Variants in TGS1 observed in about 807,000 individuals in gnomAD.
TGS1 encodes the protein trimethylguanosine synthase 1, also known as trimethylguanosine synthase.
In TGS1, 69 loss-of-function variants were observed where a neutral mutation model predicts 92.2. That is an observed-to-expected ratio of 0.75 (90% CI 0.62 to 0.91). The LOEUF is 0.91. Among genes scored for constraint, TGS1 ranks in the 40% least tolerant of loss-of-function variants. The pLI is 0.00. For synonymous variants in TGS1, 345 were observed against 338.1 expected, an observed-to-expected ratio of 1.02 and a Z score of -0.22; for missense variants, 1,062 against 1,001.2, an observed-to-expected ratio of 1.06 and a Z score of -0.82.
chr8:55,805,984 A>C (rs1812357450), intron 10 of TGS1, among the ~76,000 whole-genome samples: 1 of 150,446 alleles, frequency 6.6e-6, no homozygotes, highest in African/African-American at 2.4e-5. Context: ...ACCTGAGCCC[A>C]GAAATTGCAG....
chr8:55,809,205 A>G (rs763029323), intron 10 of TGS1, among the ~76,000 whole-genome samples: 3 of 152,292 alleles, frequency 2.0e-5, no homozygotes, highest in East Asian at 3.9e-4. Context: ...CCACTCAGAT[A>G]TTTGCTGTCT....
chr8:55,787,501 C>T (rs777717034), intron 4 of TGS1, among the ~76,000 whole-genome samples: 7 of 152,058 alleles, frequency 4.6e-5, no homozygotes, highest in Non-Finnish European at 1.0e-4. Context: ...CTCAATGGGG[C>T]ACAATATTAA....
Position 55,825,933 on chromosome 8 carries a change from G to A in TGS1, c.*1230G>A, listed in dbSNP as rs1220223597. Among the ~76,000 whole-genome samples the A allele has an allele frequency of 6.6e-6, 1 of 150,790 alleles. No individual in the cohort carries two copies. ...CGCCCAGGCTGGAGTGCAATGGCGT[G>A]ATCTCAGCTTACTGCAACCTCCACC... On this transcript the variant is annotated 3_prime_UTR_variant, in exon 13 of 13. Transcript: ENST00000260129.
At chr8:55,794,699 A>G (rs929302879) in intron 6 of TGS1, among the ~76,000 whole-genome samples, 1 of 152,264 alleles carries the variant, frequency 6.6e-6, no homozygotes, top group Non-Finnish European at 1.5e-5. Flanking sequence ...CATTAAATAT[A>G]AAGGAACATG....
chr8:55,787,149 TTAAA>T, intron 4 of TGS1, 89 bp downstream of exon 4: 1 of 844,778 alleles, frequency 1.2e-6, no homozygotes, highest in South Asian at 1.8e-5. Context: ...TATTGTAGAG[TTAAA>T]TAATACCAAG....
intron 6 of TGS1, among the ~76,000 whole-genome samples, chr8:55,794,621 G>T (rs1157909385): frequency 2.0e-5 from 3 of 152,290 alleles, no homozygotes; most frequent in South Asian, 2.1e-4. Flanking sequence ...AATTTCAAAA[G>T]TAAACAAAGC....
At chr8:55,816,000 T>G (rs1803466050) in intron 12 of TGS1, among the ~76,000 whole-genome samples, 1 of 151,882 alleles carries the variant, frequency 6.6e-6, no homozygotes, top group Admixed American at 6.6e-5. Flanking sequence ...CAGACTGGAG[T>G]GCAGTAGCAG....
chr8:55,789,175 T>A (rs979121077), intron 4 of TGS1, among the ~76,000 whole-genome samples: 2 of 152,096 alleles, frequency 1.3e-5, no homozygotes, highest in African/African-American at 4.8e-5. Context: ...TCTGAAAGAG[T>A]CAAAGCTTCC....
chr8:55,813,059 T>C lies in TGS1; in HGVS notation c.2380T>C (p.Ser794Pro), dbSNP rs764664116. The C allele has an allele frequency of 2.5e-6, 4 of 1,609,634 alleles. No individual in the cohort carries two copies. Among genetic ancestry groups the C allele is most frequent in the Non-Finnish European group, 3.4e-6 (4 of 1,176,964 alleles). The change falls in exon 12 of 13, where the codon TCT (serine) becomes CCT (proline). Residue 794 changes from serine (S) to proline (P), a missense_variant. Physicochemically the swap from Ser to Pro is moderately conservative, Grantham distance 74 (BLOSUM62 -1). Transcript: ENST00000260129. ...GTCCACCTTTGAAATTTTCAGACTT[T>C]CTAAGAAGATCACTAATAATATTGT... ...SPDGFEIFRL[S>P]KKITNNIVYF...
intron 1 of TGS1, among the ~76,000 whole-genome samples, chr8:55,774,538 A>C (rs1811326285): frequency 6.6e-6 from 1 of 152,222 alleles, no homozygotes; most frequent in African/African-American, 2.4e-5. Context: ...AAACTTGTTA[A>C]ATTTAATGTA....
chr8:55,824,780 A>G lies in TGS1; in HGVS notation c.*77A>G. On this transcript the variant is annotated 3_prime_UTR_variant, in exon 13 of 13. Transcript: ENST00000260129. ...TGAGACATTTGGCATGTCTTCCTTT[A>G]TTCACTGATATTTTCTACCCATGGT... 6.5e-7 allele frequency: 1 copy of G among 1,537,306 alleles called. No homozygotes were observed. The highest frequency in any genetic ancestry group is 8.9e-7 in the Non-Finnish European group (1 of 1,125,500).
At chr8:55,806,204 A>G (rs1296514035) in intron 10 of TGS1, among the ~76,000 whole-genome samples, 1 of 151,190 alleles carries the variant, frequency 6.6e-6, no homozygotes, top group East Asian at 2.0e-4. Flanking sequence ...AAAAATACAA[A>G]AATTAGCCGG....
chr8:55,824,094 C>T (rs972537005), intron 12 of TGS1, among the ~76,000 whole-genome samples: 1 of 152,092 alleles, frequency 6.6e-6, no homozygotes, highest in African/African-American at 2.4e-5. Context: ...GCAGCCTGGG[C>T]GACAGAGTAG....
rs559544937 is a variant in TGS1, at chr8:55,826,030, T to C, written c.*1327T>C. On this transcript the variant is annotated 3_prime_UTR_variant, in exon 13 of 13. Transcript: ENST00000260129. ...CACATCCAGCTAATTTTTTATATTT[T>C]TAGTAGCTATGGGGTTTCACCGTGT... 1.4e-4 allele frequency among the ~76,000 whole-genome samples: 22 copies of C among 152,034 alleles called. No individual in the cohort carries two copies. The highest frequency in any genetic ancestry group is 5.3e-4 in the African/African-American group (22 of 41,366).
chr8:55,793,030 C>T (rs183553658), intron 6 of TGS1, among the ~76,000 whole-genome samples: 12 of 152,334 alleles, frequency 7.9e-5, no homozygotes, highest in Admixed American at 7.8e-4. Context: ...CTGCAGCTCA[C>T]AGAGGCTTTG....
chr8:55,807,002 C>T (rs1352550668), intron 10 of TGS1, among the ~76,000 whole-genome samples: 2 of 151,350 alleles, frequency 1.3e-5, no homozygotes, highest in Non-Finnish European at 2.9e-5. Flanking sequence ...GATCTCGGCT[C>T]ACTGCAAACT....
chr8:55,812,400 C>T (rs1300250049), intron 11 of TGS1, among the ~76,000 whole-genome samples: 1 of 150,172 alleles, frequency 6.7e-6, no homozygotes, highest in African/African-American at 2.5e-5. Flanking sequence ...TGGTGGTGGG[C>T]ACCTGTAATC....
intron 6 of TGS1, among the ~76,000 whole-genome samples, chr8:55,793,474 A>G (rs1811942838): frequency 6.6e-6 from 1 of 152,190 alleles, no homozygotes; most frequent in Admixed American, 6.5e-5. Context: ...CCTGGGTAAC[A>G]GAGTGAGACT....
intron 9 of TGS1, among the ~76,000 whole-genome samples, 167 bp from the exon 10 acceptor site, chr8:55,804,726 A>G (rs573434982): frequency 6.6e-6 from 1 of 152,344 alleles, no homozygotes; most frequent in African/African-American, 2.4e-5. Context: ...ACTGCTTTTT[A>G]TAACAAGCTT....
Sources: gnomAD v4.1 joint callset for allele counts (sites outside exome capture counted in the v4.1 genomes callset) on GRCh38, gnomAD v4.1.1 for gene constraint, MANE v1.5 for transcripts, NCBI Gene and HGNC (gene_info 2026-07-23, HGNC 2026-07-21) for gene names.